WDFY4: variants seen among roughly 807,000 people sequenced by gnomAD.
The protein encoded by WDFY4 is WD repeat- and FYVE domain-containing protein 4.
WDFY4 carries 169 observed loss-of-function variants against 351.9 expected under a neutral mutation model. The ratio of observed to expected loss-of-function variants is 0.48; its 90% CI spans 0.42 to 0.55. The LOEUF (loss-of-function observed/expected upper bound fraction) is 0.55. Among genes scored for constraint, WDFY4 ranks in the 20% least tolerant of loss-of-function variants. The pLI is 0.00. For missense variants in WDFY4, 3,803 were observed against 3,935.6 expected, an observed-to-expected ratio of 0.97 and a Z score of 0.90; for synonymous variants, 1,622 against 1,574.6, an observed-to-expected ratio of 1.03 and a Z score of -0.71.
intron 39 of WDFY4, among the ~76,000 whole-genome samples, chr10:48,848,322 G>A (rs2068845360): frequency 6.6e-6 from 1 of 152,160 alleles, no homozygotes; most frequent in African/African-American, 2.4e-5. Flanking sequence ...CTAAAACCAG[G>A]CCTCCACTAA....
chr10:48,732,834 C>T (rs1252129937), intron 9 of WDFY4, among the ~76,000 whole-genome samples: 2 of 152,144 alleles, frequency 1.3e-5, no homozygotes, highest in African/African-American at 2.4e-5. Flanking sequence ...GGAGCTCAGG[C>T]GTCTTATGGA....
At chr10:48,773,345 G>A (rs2065928048) in intron 13 of WDFY4, among the ~76,000 whole-genome samples, 2 of 152,190 alleles carry the variant, frequency 1.3e-5, no homozygotes, top group Admixed American at 6.5e-5. Flanking sequence ...GATCTAACCT[G>A]TATCCCTCTC....
intron 12 of WDFY4, among the ~76,000 whole-genome samples, chr10:48,748,834 C>T (rs562894139): frequency 1.1e-4 from 16 of 152,282 alleles, no homozygotes; most frequent in South Asian, 2.1e-4. Context: ...TCGTCTCTGC[C>T]GTACCACACT....
At chr10:48,957,834 A>G (rs1841673191) in intron 52 of WDFY4, among the ~76,000 whole-genome samples, 1 of 152,164 alleles carries the variant, frequency 6.6e-6, no homozygotes, top group Non-Finnish European at 1.5e-5. Flanking sequence ...ATAGAGGTGG[A>G]ACAAACAATC....
In WDFY4 at chr10:48,734,049, C is replaced by T; in HGVS notation, c.1687+14C>T. ...TGAGGAATGCAGGTAAGGATGGTGC[C>T]AAGTTTGCCTCATCACTGCTTGGTA... On this transcript the variant is annotated intron_variant, in intron 10 of 61. Transcript: ENST00000325239. The T allele has an allele frequency of 6.4e-7, 1 of 1,550,438 alleles. No individual in the cohort carries two copies. Among genetic ancestry groups the T allele is most frequent in the Non-Finnish European group, 8.7e-7 (1 of 1,145,708 alleles).
rs569556216 is a variant in WDFY4 at position 48,890,431 on chromosome 10, C to T, written c.7168-148C>T. The T allele has an allele frequency of 5.1e-6, 5 of 983,774 alleles. No homozygotes were observed. In the African/African-American group the frequency reaches 8.0e-5, roughly 16 times the overall value. The allele number at this position is 983,774 out of a possible 1,614,324, so 60.9% of individuals were successfully genotyped here. A position where few individuals can be genotyped will look rare whatever the true frequency, so the allele number is the denominator to read the frequency against. On this transcript the variant is annotated intron_variant, in intron 43 of 61. Coordinates refer to ENST00000325239, the MANE Select transcript of WDFY4 (RefSeq NM_001394531.1). ...CATAGGCTGTGAAGAGCAGTACAGT[C>T]CTGGGACAGCGGGACTGCCATTCAT...
At chr10:48,722,835 G>T (rs1246558081) in intron 4 of WDFY4, among the ~76,000 whole-genome samples, 3 of 152,240 alleles carry the variant, frequency 2.0e-5, no homozygotes, top group Non-Finnish European at 4.4e-5. Context: ...TCTCTGCAGA[G>T]TTCCTGTCCT....
At chr10:48,979,505 G>A (rs1336246139) in intron 60 of WDFY4, among the ~76,000 whole-genome samples, 1 of 152,112 alleles carries the variant, frequency 6.6e-6, no homozygotes, top group African/African-American at 2.4e-5. Context: ...CTAAGCCTAC[G>A]GTTGATGAAT....
intron 20 of WDFY4, 60 bp downstream of exon 20, chr10:48,786,930 G>T: frequency 2.1e-6 from 3 of 1,433,544 alleles, no homozygotes; most frequent in Non-Finnish European, 2.9e-6. Context: ...TGGACATCCA[G>T]TTATTTGTAG....
chr10:48,848,351 G>T (rs2068846135), intron 39 of WDFY4, among the ~76,000 whole-genome samples: 1 of 152,200 alleles, frequency 6.6e-6, no homozygotes, highest in South Asian at 2.1e-4. Context: ...ATTCCAAGGT[G>T]GATATGTCAG....
intron 39 of WDFY4, among the ~76,000 whole-genome samples, chr10:48,844,079 T>C (rs150702336): frequency 0.011 from 1,623 of 152,332 alleles, 28 homozygotes; most frequent in African/African-American, 0.037. Flanking sequence ...TGCCGCCTGC[T>C]GCATGAGTTA....
At chr10:48,936,879 A>G (rs1840405740) in intron 47 of WDFY4, among the ~76,000 whole-genome samples, 2 of 151,234 alleles carry the variant, frequency 1.3e-5, no homozygotes, top group South Asian at 4.2e-4. Context: ...AAAAGTGCTC[A>G]TAATTTTGGC....
chr10:48,952,712 C>T (rs562758207), intron 51 of WDFY4, among the ~76,000 whole-genome samples: 19 of 152,112 alleles, frequency 1.2e-4, no homozygotes, highest in South Asian at 6.2e-4. Context: ...CAAGTCTTGA[C>T]GGGTTCACTC....
chr10:48,928,326 C>T (rs1195524527), intron 47 of WDFY4, among the ~76,000 whole-genome samples: 1 of 148,050 alleles, frequency 6.8e-6, no homozygotes, highest in Admixed American at 6.8e-5. Flanking sequence ...GAGGGCAATG[C>T]GTGGCCCTTG....
At chr10:48,805,135 C>A in intron 25 of WDFY4, 125 bp from the exon 26 acceptor site, 1 of 1,147,590 alleles carries the variant, frequency 8.7e-7, no homozygotes, top group Non-Finnish European at 1.2e-6. Flanking sequence ...GACAAATTGC[C>A]AAGAGAGCAT....
chr10:48,863,295 T>G (rs1350219821), intron 39 of WDFY4, among the ~76,000 whole-genome samples: 1 of 152,220 alleles, frequency 6.6e-6, no homozygotes, highest in East Asian at 1.9e-4. Flanking sequence ...TCTACACCAT[T>G]TTACATTCCC....
At chr10:48,815,354 C>T (rs2067585396) in intron 31 of WDFY4, among the ~76,000 whole-genome samples, 1 of 151,078 alleles carries the variant, frequency 6.6e-6, no homozygotes, top group Non-Finnish European at 1.5e-5. Flanking sequence ...TCCTCTCTCT[C>T]TATTTTCCTG....
At chr10:48,871,515 C>A (rs888005264) in intron 40 of WDFY4, among the ~76,000 whole-genome samples, 34 of 150,254 alleles carry the variant, frequency 2.3e-4, no homozygotes, top group African/African-American at 7.8e-4. Context: ...TATTTTGTTG[C>A]CCAGGCTGAA....
In WDFY4 at chr10:48,779,990, T is replaced by G; in HGVS notation, c.3447T>G (p.Leu1149=). The stretch of plus-strand genomic sequence containing the variant: ...CCGAGCCTTCTGCAGGATGCCAGCT[T>G]CAGGTCAGGTGTGGCCAGCTCCTGG... ...DDSEPSAGCQ[L]QVRCGQLLAC... is the part of the protein sequence containing the mutation. The change falls in exon 19 of 62, where the codon CTT becomes CTG. Residue 1149 remains leucine (L), a synonymous_variant. Coordinates refer to ENST00000325239, the MANE Select transcript of WDFY4 (RefSeq NM_001394531.1). 6.4e-7 allele frequency: 1 copy of G among 1,551,830 alleles called. No homozygotes were observed. Among genetic ancestry groups the G allele is most frequent in the Non-Finnish European group, 8.7e-7 (1 of 1,147,016 alleles).
Sources: gnomAD v4.1 joint callset for allele counts (sites outside exome capture counted in the v4.1 genomes callset) on GRCh38, gnomAD v4.1.1 for gene constraint, MANE v1.5 for transcripts, NCBI Gene and HGNC (gene_info 2026-07-23, HGNC 2026-07-21) for gene names.